The following ZNF182 variants were observed in gnomAD, a reference collection of about 807,000 sequenced individuals.
The protein encoded by ZNF182 is zinc finger protein 182, also known as zinc finger protein 21 (KOX 14).
A neutral mutation model predicts 28.1 loss-of-function variants in ZNF182; 10 were observed. That is an observed-to-expected ratio of 0.36 (90% CI 0.22 to 0.60). The LOEUF is 0.60. ZNF182 is among the 20% of genes least tolerant of loss of function. The probability of loss-of-function intolerance (pLI) is 0.75; values close to 1 mark genes in which losing one functional copy is unlikely to be tolerated. For synonymous variants in ZNF182, 156 were observed against 158.7 expected (o/e 0.98, Z 0.13); for missense variants, 352 against 453.2 (o/e 0.78, Z 2.03).
rs2058930177 is a variant in ZNF182, at chrX:47,988,406, T to A, written c.16-4995A>T. Reference sequence around the variant, plus strand: ...GATGGATCCCTCATGAATGGCTTGGTGCCATTCCTTTGGTGATGAGTGACT... The same window carrying A: ...GATGGATCCCTCATGAATGGCTTGGAGCCATTCCTTTGGTGATGAGTGACT... On this transcript the variant is annotated intron_variant, in intron 3 of 5. Transcript: ENST00000376943. 3 of 327,392 alleles carry A rather than the reference T, an allele frequency of 9.2e-6. No homozygotes were observed. In the South Asian group the frequency reaches 3.2e-4, roughly 35 times the overall value. The allele number at this position is 327,392 out of a possible 1,213,427, so 27.0% of individuals were successfully genotyped here. A position where few individuals can be genotyped will look rare whatever the true frequency, so the allele number is the denominator to read the frequency against.
Position 47,994,655 on chromosome X carries a change from G to A in ZNF182, c.15+7940C>T, listed in dbSNP as rs781875958. Among the ~76,000 whole-genome samples, 8 of 111,571 alleles carry A rather than the reference G, an allele frequency of 7.2e-5. No homozygotes were observed. The South Asian group carries it at 2.6e-3, about 37-fold the overall frequency. ...TAACCAATCATACTTTTTTGTGTGT[G>A]TAAGATGGAGTCTCGCTCTGTTGCC... On this transcript the variant is annotated intron_variant, in intron 3 of 5. Coordinates refer to ENST00000376943, the MANE Select transcript of ZNF182 (RefSeq NM_001007088.2).
At position 47,982,971 on chromosome X, in the gene ZNF182, T is replaced by G. The variant is rs782114821; in HGVS notation, c.210A>C (p.Lys70Asn). The G allele has an allele frequency of 2.4e-5, 29 of 1,209,380 alleles. No individual in the cohort carries two copies. Among genetic ancestry groups the G allele is most frequent in the Non-Finnish European group, 3.1e-5 (28 of 894,971 alleles). The stretch of plus-strand genomic sequence containing the variant: ...TACCTGGAAAGTTCCAAAATGGGAT[T>G]TTTCCTTCTGCCGGGCATTCTTCTA... The part of the protein sequence containing the change: ...LEVEECPAEG[K>N]IPFWNFPEVC... The change falls in exon 5 of 6, where the codon AAA becomes AAC. Residue 70 changes from lysine (K) to asparagine (N), a missense_variant. Transcript: ENST00000376943.
chrX:48,000,998 A>G (rs1556901847), intron 3 of ZNF182, among the ~76,000 whole-genome samples: 1 of 112,583 alleles, frequency 8.9e-6, no homozygotes, highest in African/African-American at 3.2e-5. Context: ...AATGCAAATT[A>G]AAATCATTAT....
chrX:47,988,459 C>T (rs782280193), intron 3 of ZNF182: 18 of 408,209 alleles, frequency 4.4e-5, no homozygotes, highest in Admixed American at 7.0e-5. Context: ...AGACGAGATC[C>T]GGTTGTTAAA....
intron 3 of ZNF182, among the ~76,000 whole-genome samples, chrX:48,001,091 G>A (rs1319435290): frequency 7.1e-5 from 8 of 112,229 alleles, no homozygotes; most frequent in African/African-American, 2.3e-4. Context: ...ACATTGCTAG[G>A]AGAAATGAAA....
chrX:47,996,672 C>G (rs1343443187), intron 3 of ZNF182, among the ~76,000 whole-genome samples: 1 of 112,115 alleles, frequency 8.9e-6, no homozygotes, highest in Non-Finnish European at 1.9e-5. Context: ...AAGCCCCAAC[C>G]TGCAATGTGA....
In ZNF182 at chrX:47,986,617, C is replaced by A. The variant is rs182583335; in HGVS notation, c.16-3206G>T. ...TATAATGGTTAATATTGAGTGTCAACTTGATTGGATTGAAGGATGCAAAGT... is the reference window on the plus strand; with the variant it reads ...TATAATGGTTAATATTGAGTGTCAAATTGATTGGATTGAAGGATGCAAAGT... On this transcript the variant is annotated intron_variant, in intron 3 of 5. Coordinates refer to ENST00000376943, the MANE Select transcript of ZNF182 (RefSeq NM_001007088.2). Among the ~76,000 whole-genome samples, 647 of 111,761 alleles carry A rather than the reference C, an allele frequency of 5.8e-3. 4 individuals are homozygous for A. The highest frequency in any genetic ancestry group is 0.021 in the African/African-American group (631 of 30,735).
intron 3 of ZNF182, among the ~76,000 whole-genome samples, chrX:47,985,604 A>G (rs1603225945): frequency 9.0e-6 from 1 of 111,242 alleles, no homozygotes; most frequent in East Asian, 2.8e-4. Flanking sequence ...AACTGTAATC[A>G]TAAGCATGTA....
At position 47,976,557 on chromosome X, in the gene ZNF182, T is replaced by G; in HGVS notation, c.1473A>C (p.Glu491Asp). The G allele has an allele frequency of 8.3e-7, 1 of 1,208,406 alleles. No individual in the cohort carries two copies. The highest frequency in any genetic ancestry group is 1.1e-6 in the Non-Finnish European group (1 of 894,433). The stretch of plus-strand genomic sequence containing the variant: ...ATTCATTACATTTATAGGGTTTTTC[T>G]TCTGTATGAGTTCTTTGATGTATAA... ...YLIIHQRTHTEEKPYKCNECG... is the reference protein window; with the variant it reads ...YLIIHQRTHTDEKPYKCNECG... Residue 491 changes from glutamate to aspartate, a missense_variant, in exon 6 of 6, where the codon GAA becomes GAC. Transcript: ENST00000376943.
At position 47,976,106 on chromosome X, in the gene ZNF182, T is replaced by G; in HGVS notation, c.*61A>C. The G allele has an allele frequency of 9.8e-7, 1 of 1,021,159 alleles. No homozygotes were observed. Among genetic ancestry groups the G allele is most frequent in the African/African-American group, 1.9e-5 (1 of 52,719 alleles). The allele number at this position is 1,021,159 out of a possible 1,213,427, so 84.2% of individuals were successfully genotyped here. A position where few individuals can be genotyped will look rare whatever the true frequency, so the allele number is the denominator to read the frequency against. On this transcript the variant is annotated 3_prime_UTR_variant, in exon 6 of 6. Transcript: ENST00000376943. Reference sequence around the variant, plus strand: ...CACAAGTCAAAATATACTTTTAAAATGTGAGTAAAATTGACACAACTTTCT... The same window carrying G: ...CACAAGTCAAAATATACTTTTAAAAGGTGAGTAAAATTGACACAACTTTCT...
intron 3 of ZNF182, among the ~76,000 whole-genome samples, chrX:47,999,520 T>G (rs1346581545): frequency 9.1e-6 from 1 of 109,429 alleles, no homozygotes; most frequent in Non-Finnish European, 1.9e-5. Context: ...ACAAGTAGAG[T>G]TGTTCTCATA....
chrX:47,977,939 C>G lies in ZNF182; in HGVS notation c.233-142G>C, dbSNP rs1275856968. On this transcript the variant is annotated intron_variant, in intron 5 of 5. Transcript: ENST00000376943. Reference sequence around the variant, plus strand: ...GAGAGAGAGTTTTTTACTAAACTCTCACCTGCTGGTCTTTTTGTTACCAAG... The same window carrying G: ...GAGAGAGAGTTTTTTACTAAACTCTGACCTGCTGGTCTTTTTGTTACCAAG... The G allele has an allele frequency of 5.7e-6, 3 of 522,820 alleles. No homozygotes were observed. The African/African-American group carries it at 7.2e-5, about 13-fold the overall frequency. 43.1% of individuals were successfully genotyped at this position (522,820 alleles called of 1,213,427 possible).
rs187584133 is a variant in ZNF182 at position 47,976,079 on chromosome X, A to C, written c.*88T>G. Reference sequence around the variant, plus strand: ...AGGCTGAATTTACTCCCATATTTAAACCACAAGTCAAAATATACTTTTAAA... The same window carrying C: ...AGGCTGAATTTACTCCCATATTTAACCCACAAGTCAAAATATACTTTTAAA... On this transcript the variant is annotated 3_prime_UTR_variant, in exon 6 of 6. Coordinates refer to ENST00000376943, the MANE Select transcript of ZNF182 (RefSeq NM_001007088.2). The C allele has an allele frequency of 1.1e-6, 1 of 950,860 alleles. No individual in the cohort carries two copies. The allele number at this position is 950,860 out of a possible 1,213,427, so 78.4% of individuals were successfully genotyped here. A position where few individuals can be genotyped will look rare whatever the true frequency, so the allele number is the denominator to read the frequency against.
chrX:48,002,354 G>T (rs1272110483), intron 3 of ZNF182, among the ~76,000 whole-genome samples: 4 of 111,899 alleles, frequency 3.6e-5, no homozygotes, highest in Admixed American at 9.5e-5. Flanking sequence ...CAAGGTACTG[G>T]TTATGTTTCC....
intron 5 of ZNF182, among the ~76,000 whole-genome samples, chrX:47,980,124 G>A (rs1396756843): frequency 9.0e-6 from 1 of 111,428 alleles, no homozygotes; most frequent in African/African-American, 3.3e-5. Context: ...GCCATAAAAA[G>A]GAATTAAATA....
rs148043650 is a variant in ZNF182 at position 47,976,629 on chromosome X, G to A, written c.1401C>T (p.Tyr467=). Residue 467 remains tyrosine, a synonymous_variant, in exon 6 of 6, where the codon TAC becomes TAT. Coordinates refer to ENST00000376943, the MANE Select transcript of ZNF182 (RefSeq NM_001007088.2). ...ATGCTTTTTCACATTCATTGCACTC[G>A]TAAGGTTTCTCTCCTGTATGACCTC... ...HQRGHTGEKP[Y]ECNECEKAFS... The A allele has an allele frequency of 3.4e-5, 41 of 1,207,651 alleles. No homozygotes were observed. In the African/African-American group the frequency reaches 4.9e-4, roughly 14 times the overall value.
chrX:47,982,926 G>A (rs1249996917), intron 5 of ZNF182, 23 bp downstream of exon 5: 1 of 1,195,093 alleles, frequency 8.4e-7, no homozygotes, highest in East Asian at 3.0e-5. Flanking sequence ...TGTCCCCAGA[G>A]CCTGGGTCAA....
chrX:47,979,728 T>A (rs1352915989), intron 5 of ZNF182, among the ~76,000 whole-genome samples: 3 of 111,158 alleles, frequency 2.7e-5, no homozygotes, highest in Non-Finnish European at 5.7e-5. Flanking sequence ...TGTTCTAGAA[T>A]ATTAAGTGAA....
rs369374114 is a variant in ZNF182 at position 47,983,221 on chromosome X, G to A, written c.142+64C>T. On this transcript the variant is annotated intron_variant, in intron 4 of 5. Transcript: ENST00000376943. Reference sequence around the variant, plus strand: ...GAGAGAAAAGAGGGAACTGAGAAAGGAAATGCCTTCCATTGGATGCAATAA... The same window carrying A: ...GAGAGAAAAGAGGGAACTGAGAAAGAAAATGCCTTCCATTGGATGCAATAA... The A allele has an allele frequency of 7.8e-4, 936 of 1,193,994 alleles. 2 individuals carry two copies. In the Middle Eastern group the frequency reaches 0.015, roughly 19 times the overall value.
Sources: gnomAD v4.1 joint callset for allele counts (sites outside exome capture counted in the v4.1 genomes callset) on GRCh38, gnomAD v4.1.1 for gene constraint, MANE v1.5 for transcripts, NCBI Gene and HGNC (gene_info 2026-07-23, HGNC 2026-07-21) for gene names.